CLRN1: variants seen among roughly 807,000 people sequenced by gnomAD.
CLRN1 encodes the protein clarin-1.
In CLRN1, 15 loss-of-function variants were observed where a neutral mutation model predicts 18.7. That is an observed-to-expected ratio of 0.80 (90% CI 0.54 to 1.23). The LOEUF (loss-of-function observed/expected upper bound fraction) is 1.23. Ranked by LOEUF, CLRN1 falls within the 50% of genes most tolerant of loss-of-function variation. CLRN1 has a pLI of 0.00. For missense variants in CLRN1, 311 were observed against 277.5 expected (o/e 1.12, Z -0.86); for synonymous variants, 104 against 102.9 (o/e 1.01, Z -0.07).
At chr3:150,941,063 T>C (rs1426200546) in intron 2 of CLRN1, among the ~76,000 whole-genome samples, 2 of 151,656 alleles carry the variant, frequency 1.3e-5, no homozygotes, top group Admixed American at 6.6e-5. Flanking sequence ...TGAGCAAAAA[T>C]AAAAGTCCCC....
chr3:150,954,059 A>T (rs1184181971), intron 1 of CLRN1, among the ~76,000 whole-genome samples: 1 of 152,216 alleles, frequency 6.6e-6, no homozygotes, highest in Non-Finnish European at 1.5e-5. Flanking sequence ...GTTTTGACAA[A>T]TGCAGACAGT....
chr3:150,968,508 C>T (rs1487020403), intron 1 of CLRN1, among the ~76,000 whole-genome samples: 2 of 152,212 alleles, frequency 1.3e-5, no homozygotes, highest in East Asian at 1.9e-4. Flanking sequence ...GTTTTCCCAG[C>T]GTAACTGGGC....
chr3:150,971,508 A>G (rs1339719179), intron 1 of CLRN1, among the ~76,000 whole-genome samples: 2 of 152,022 alleles, frequency 1.3e-5, no homozygotes, highest in Non-Finnish European at 2.9e-5. Flanking sequence ...TTCTACCTAT[A>G]CTAGAAAGAA....
chr3:150,945,060 C>T (rs894714880), intron 1 of CLRN1, among the ~76,000 whole-genome samples: 1 of 152,128 alleles, frequency 6.6e-6, no homozygotes, highest in Non-Finnish European at 1.5e-5. Flanking sequence ...GTGGTAGTCA[C>T]CCTCCAGGGC....
intron 1 of CLRN1, among the ~76,000 whole-genome samples, chr3:150,949,130 C>A (rs1714343934): frequency 6.6e-6 from 1 of 152,076 alleles, no homozygotes; most frequent in Admixed American, 6.5e-5. Context: ...TCAACAGAGG[C>A]AGAAAAGACT....
chr3:150,941,561 G>A (rs781265337), intron 2 of CLRN1, 21 bp downstream of exon 2: 1 of 1,612,674 alleles, frequency 6.2e-7, no homozygotes, highest in Admixed American at 1.7e-5. Context: ...TTTGTCTTCA[G>A]AGGTAGAATT....
At chr3:150,969,304 TATATATATA>T (rs1344990157) in intron 1 of CLRN1, among the ~76,000 whole-genome samples, 1 of 65,730 alleles carries the variant, frequency 1.5e-5, no homozygotes, top group Non-Finnish European at 2.8e-5. Context: ...TATATATATA[TATATATATA>T]TTTTTTTTTT....
At position 150,926,699 on chromosome 3, in the gene CLRN1, A is replaced by G. The variant is rs1175206770; in HGVS notation, c.*1237T>C. ...CAAAGGGAAACAGTGTTTTATTTTA[A>G]GGAGTACTTTCAAACCTATTATATG... On this transcript the variant is annotated 3_prime_UTR_variant, in exon 3 of 3. Transcript: ENST00000327047. 8.3e-7 allele frequency: 1 copy of G among 1,203,612 alleles called. No homozygotes were observed. The highest frequency in any genetic ancestry group is 1.8e-5 in the Admixed American group (1 of 55,450). The allele number at this position is 1,203,612 out of a possible 1,614,324, so 74.6% of individuals were successfully genotyped here. A position where few individuals can be genotyped will look rare whatever the true frequency, so the allele number is the denominator to read the frequency against.
At chr3:150,962,075 C>T (rs762797000) in intron 1 of CLRN1, among the ~76,000 whole-genome samples, 4 of 152,180 alleles carry the variant, frequency 2.6e-5, no homozygotes, top group East Asian at 3.9e-4. Flanking sequence ...TAATCACCCA[C>T]GGTGGCTTAG....
chr3:150,971,444 C>T (rs1367474256), intron 1 of CLRN1, among the ~76,000 whole-genome samples: 1 of 152,126 alleles, frequency 6.6e-6, no homozygotes, highest in African/African-American at 2.4e-5. Context: ...TAGACCAGCA[C>T]TGAAATTTAA....
intron 1 of CLRN1, among the ~76,000 whole-genome samples, chr3:150,953,532 G>C (rs1412578033): frequency 6.6e-6 from 1 of 152,088 alleles, no homozygotes; most frequent in Non-Finnish European, 1.5e-5. Flanking sequence ...TATGTTTCAA[G>C]TACTTATTTT....
chr3:150,940,125 T>C (rs1046068856), intron 2 of CLRN1, among the ~76,000 whole-genome samples: 5 of 152,270 alleles, frequency 3.3e-5, no homozygotes, highest in East Asian at 1.9e-4. Flanking sequence ...CAGAGCTTCA[T>C]GCTGAATGCT....
Position 150,926,673 on chromosome 3 carries a change from C to A in CLRN1, c.*1263G>T. On this transcript the variant is annotated 3_prime_UTR_variant, in exon 3 of 3. Transcript: ENST00000327047. ...GGTTGTTTCATCCTTGTAAATAGTT[C>A]CAAAGGGAAACAGTGTTTTATTTTA... 1 of 1,026,948 alleles carries A rather than the reference C, an allele frequency of 9.7e-7. No individual in the cohort carries two copies. The highest frequency in any genetic ancestry group is 1.5e-6 in the Non-Finnish European group (1 of 668,776). The allele number at this position is 1,026,948 out of a possible 1,614,324, so 63.6% of individuals were successfully genotyped here.
At chr3:150,955,767 A>G (rs1714707752) in intron 1 of CLRN1, among the ~76,000 whole-genome samples, 1 of 152,204 alleles carries the variant, frequency 6.6e-6, no homozygotes, top group African/African-American at 2.4e-5. Context: ...TTGAAGGAAG[A>G]TGAATTTTCT....
intron 1 of CLRN1, among the ~76,000 whole-genome samples, chr3:150,956,487 G>A (rs1714740425): frequency 6.6e-6 from 1 of 152,132 alleles, no homozygotes; most frequent in Non-Finnish European, 1.5e-5. Context: ...CAGAACAGAA[G>A]GCACCTAAGC....
chr3:150,927,053 A>C lies in CLRN1; in HGVS notation c.*883T>G. The stretch of plus-strand genomic sequence containing the variant: ...TATAGCTAGAAAAACAGCCCCTAAT[A>C]AGTCATTTTGCATCAAATGTACTAA... On this transcript the variant is annotated 3_prime_UTR_variant, in exon 3 of 3. Coordinates refer to ENST00000327047, the MANE Select transcript of CLRN1 (RefSeq NM_174878.3). 9.3e-7 allele frequency: 1 copy of C among 1,074,818 alleles called. No homozygotes were observed. Among genetic ancestry groups the C allele is most frequent in the Non-Finnish European group, 1.4e-6 (1 of 725,562 alleles). 66.6% of individuals were successfully genotyped at this position (1,074,818 alleles called of 1,614,324 possible).
At chr3:150,956,677 C>T (rs1559989407) in intron 1 of CLRN1, among the ~76,000 whole-genome samples, 1 of 152,170 alleles carries the variant, frequency 6.6e-6, no homozygotes, top group Non-Finnish European at 1.5e-5. Flanking sequence ...TGCCCTCCTG[C>T]AGTCATTTGG....
At chr3:150,947,152 G>T (rs551462629) in intron 1 of CLRN1, among the ~76,000 whole-genome samples, 31 of 151,998 alleles carry the variant, frequency 2.0e-4, no homozygotes, top group Non-Finnish European at 2.8e-4. Flanking sequence ...TGGCTGGATG[G>T]ATAGATAAAG....
intron 1 of CLRN1, among the ~76,000 whole-genome samples, chr3:150,952,785 C>T (rs1213903368): frequency 6.6e-6 from 1 of 152,176 alleles, no homozygotes; most frequent in Admixed American, 6.5e-5. Flanking sequence ...AGAAGTTGCA[C>T]TGATTTGCCT....
Sources: gnomAD v4.1 joint callset for allele counts (sites outside exome capture counted in the v4.1 genomes callset) on GRCh38, gnomAD v4.1.1 for gene constraint, MANE v1.5 for transcripts, NCBI Gene and HGNC (gene_info 2026-07-23, HGNC 2026-07-21) for gene names.